The following NR3C1 variants were observed in gnomAD, a reference collection of about 807,000 sequenced individuals.
NR3C1 encodes the protein glucocorticoid receptor.
Under a neutral mutation model 74.0 loss-of-function variants are expected in NR3C1, and 14 were observed. The ratio of observed to expected loss-of-function variants is 0.19; its 90% CI spans 0.12 to 0.30. The LOEUF (loss-of-function observed/expected upper bound fraction) is 0.30, where lower values mean the gene tolerates loss of function less well. NR3C1 is among the 10% of genes least tolerant of loss of function. The probability of loss-of-function intolerance (pLI) is 1.00; values close to 1 mark genes in which losing one functional copy is unlikely to be tolerated. For missense variants in NR3C1, 695 were observed against 909.8 expected (o/e 0.76, Z 3.04); for synonymous variants, 308 against 332.5 (o/e 0.93, Z 0.80).
At chr5:143,400,874 CG>C (rs772115837) in intron 1 of NR3C1, 22 bp from the exon 2 acceptor site, 1 of 1,565,900 alleles carries the variant, frequency 6.4e-7, no homozygotes. Flanking sequence ...AAAACAAAAA[CG>C]GGGGGAAAAC....
rs72466438 is a variant in NR3C1 at position 143,279,844 on chromosome 5, C to T, written c.*2045G>A. On this transcript the variant is annotated 3_prime_UTR_variant, in exon 9 of 9. Transcript: ENST00000394464. ...GGGGGAGGGCTGTATGTGAAAGTAACCCGCTATTAGATGGTGCCTTTAAGG... is the reference window on the plus strand; with the variant it reads ...GGGGGAGGGCTGTATGTGAAAGTAATCCGCTATTAGATGGTGCCTTTAAGG... 1 of 160,174 alleles carries T rather than the reference C, an allele frequency of 6.2e-6. No individual in the cohort carries two copies. The highest frequency in any genetic ancestry group is 1.4e-5 in the Non-Finnish European group (1 of 73,814). 9.9% of individuals were successfully genotyped at this position (160,174 alleles called of 1,614,324 possible). A position where few individuals can be genotyped will look rare whatever the true frequency, so the allele number is the denominator to read the frequency against.
chr5:143,362,489 T>C (rs1161923563), intron 2 of NR3C1, among the ~76,000 whole-genome samples: 1 of 151,198 alleles, frequency 6.6e-6, no homozygotes, highest in African/African-American at 2.4e-5. Context: ...GCCTCCCGAG[T>C]AGCTGGGACT....
intron 2 of NR3C1, among the ~76,000 whole-genome samples, chr5:143,388,105 T>C (rs1254132583): frequency 6.6e-6 from 1 of 152,208 alleles, no homozygotes; most frequent in African/African-American, 2.4e-5. Flanking sequence ...AACCCTTCAT[T>C]TACAAACATT....
intron 2 of NR3C1, among the ~76,000 whole-genome samples, chr5:143,334,795 A>T (rs1826761902): frequency 6.6e-6 from 1 of 152,138 alleles, no homozygotes; most frequent in African/African-American, 2.4e-5. Context: ...TTACATTGGA[A>T]GCAGTAAGTT....
chr5:143,283,502 A>G (rs1216101156), intron 7 of NR3C1, among the ~76,000 whole-genome samples: 3 of 152,240 alleles, frequency 2.0e-5, no homozygotes, highest in African/African-American at 4.8e-5. Flanking sequence ...AGATAGATAG[A>G]AGGCTTCAAC....
At chr5:143,376,278 T>G (rs949917077) in intron 2 of NR3C1, among the ~76,000 whole-genome samples, 1 of 152,212 alleles carries the variant, frequency 6.6e-6, no homozygotes, top group Non-Finnish European at 1.5e-5. Context: ...ACAAATGCAG[T>G]TGGAACCAAA....
intron 6 of NR3C1, among the ~76,000 whole-genome samples, chr5:143,297,752 A>T (rs1398478953): frequency 6.6e-6 from 1 of 152,252 alleles, no homozygotes; most frequent in Non-Finnish European, 1.5e-5. Flanking sequence ...CAAGGTAGAA[A>T]GTGAGAGTAA....
At chr5:143,409,371 T>G (rs1336067800) in intron 1 of NR3C1, 1 of 152,234 alleles carries the variant, frequency 6.6e-6, no homozygotes, top group Non-Finnish European at 1.5e-5. Flanking sequence ...TTGTCATGGC[T>G]TCAGTTTCCA....
chr5:143,393,754 G>GCTGTAT (rs1352730941), intron 2 of NR3C1, among the ~76,000 whole-genome samples: 2 of 152,034 alleles, frequency 1.3e-5, no homozygotes, highest in African/African-American at 4.8e-5. Context: ...AATAAATCAT[G>GCTGTAT]TAGTGAATTG....
At chr5:143,421,521 C>T (rs1163217354) in intron 1 of NR3C1, among the ~76,000 whole-genome samples, 2 of 148,730 alleles carry the variant, frequency 1.3e-5, no homozygotes, top group Non-Finnish European at 3.0e-5. Context: ...GGGTAGAGCA[C>T]TTAAAACATA....
chr5:143,392,511 G>A (rs1177288471), intron 2 of NR3C1, among the ~76,000 whole-genome samples: 1 of 151,778 alleles, frequency 6.6e-6, no homozygotes, highest in Non-Finnish European at 1.5e-5. Flanking sequence ...AAGTGTTAAG[G>A]TTTCCTGGTT....
intron 1 of NR3C1, among the ~76,000 whole-genome samples, chr5:143,413,738 C>A (rs930281978): frequency 6.6e-6 from 1 of 152,054 alleles, no homozygotes; most frequent in Non-Finnish European, 1.5e-5. Context: ...TATCCCTGGA[C>A]CAATAACTAT....
intron 2 of NR3C1, among the ~76,000 whole-genome samples, chr5:143,395,751 C>T (rs963752894): frequency 7.9e-5 from 12 of 151,832 alleles, no homozygotes; most frequent in Admixed American, 5.2e-4. Flanking sequence ...ATTTCCTGGG[C>T]TGTTTCAGTC....
intron 3 of NR3C1, among the ~76,000 whole-genome samples, chr5:143,312,357 CAT>C (rs1238275536): frequency 6.6e-6 from 1 of 152,128 alleles, no homozygotes; most frequent in Non-Finnish European, 1.5e-5. Flanking sequence ...GCATTGATCA[CAT>C]ACTCTCTTGG....
At chr5:143,327,986 C>T (rs1825016149) in intron 2 of NR3C1, among the ~76,000 whole-genome samples, 1 of 152,236 alleles carries the variant, frequency 6.6e-6, no homozygotes, top group African/African-American at 2.4e-5. Flanking sequence ...ATGAGGGATC[C>T]AACCCCATAT....
intron 2 of NR3C1, among the ~76,000 whole-genome samples, chr5:143,333,571 C>T (rs1826458830): frequency 6.6e-6 from 1 of 151,962 alleles, no homozygotes; most frequent in African/African-American, 2.4e-5. Flanking sequence ...AGATTGAGAC[C>T]ATCCTGGCCA....
chr5:143,424,041 A>G (rs1228916834), intron 1 of NR3C1, among the ~76,000 whole-genome samples: 4 of 100,198 alleles, frequency 4.0e-5, no homozygotes, highest in African/African-American at 1.6e-4. Flanking sequence ...GAAGGGGAAC[A>G]TCACACTCTG....
intron 6 of NR3C1, among the ~76,000 whole-genome samples, chr5:143,297,930 G>A (rs1817662826): frequency 6.6e-6 from 1 of 152,148 alleles, no homozygotes; most frequent in Non-Finnish European, 1.5e-5. Flanking sequence ...GTACTGGAGG[G>A]TCAGTGGGAA....
chr5:143,405,964 G>C (rs1026116902), upstream of NR3C1, among the ~76,000 whole-genome samples: 7 of 152,142 alleles, frequency 4.6e-5, no homozygotes, highest in South Asian at 2.1e-4. Context: ...ACTACCAACA[G>C]TTTCATGGGA....
Sources: allele counts gnomAD v4.1 joint callset (sites outside exome capture counted in the v4.1 genomes callset), GRCh38; gene constraint gnomAD v4.1.1; transcripts MANE v1.5; gene names NCBI Gene and HGNC (gene_info 2026-07-23, HGNC 2026-07-21).